GPR107: variants seen among roughly 807,000 people sequenced by gnomAD.
The protein encoded by GPR107 is G protein-coupled receptor 107, also known as protein GPR107.
Under a neutral mutation model 75.5 loss-of-function variants are expected in GPR107, and 31 were observed. That is an observed-to-expected ratio of 0.41 (90% CI 0.31 to 0.55). The LOEUF (loss-of-function observed/expected upper bound fraction) is 0.55. Ranked by LOEUF, GPR107 falls within the 20% of genes least tolerant of loss-of-function variation. The pLI is 0.26. For missense variants in GPR107, 572 were observed against 665.7 expected, an observed-to-expected ratio of 0.86 and a Z score of 1.55; for synonymous variants, 267 against 251.3, an observed-to-expected ratio of 1.06 and a Z score of -0.59.
intron 1 of GPR107, among the ~76,000 whole-genome samples, chr9:130,070,309 TATTA>T (rs1288493014): frequency 1.3e-5 from 2 of 151,996 alleles, no homozygotes; most frequent in African/African-American, 4.8e-5. Flanking sequence ...GCTATTTATT[TATTA>T]TTTATTTTGA....
intron 6 of GPR107, 89 bp downstream of exon 6, chr9:130,083,691 T>C (rs539145457): frequency 5.4e-5 from 38 of 701,812 alleles, no homozygotes; most frequent in Non-Finnish European, 8.0e-5. Context: ...TGTATTGATA[T>C]ATATACATAC....
chr9:130,085,382 A>G (rs930085279), intron 6 of GPR107, among the ~76,000 whole-genome samples: 2 of 152,308 alleles, frequency 1.3e-5, no homozygotes, highest in East Asian at 3.9e-4. Flanking sequence ...GGTTGGCGAT[A>G]TCTTGATTTC....
intron 14 of GPR107, among the ~76,000 whole-genome samples, chr9:130,113,279 C>G (rs968891751): frequency 8.3e-4 from 111 of 133,062 alleles, no homozygotes; most frequent in African/African-American, 3.1e-3. Context: ...TTGAGTCAGG[C>G]TGGAGTGCAA....
At chr9:130,070,453 G>C (rs745484403) in intron 1 of GPR107, among the ~76,000 whole-genome samples, 1 of 152,088 alleles carries the variant, frequency 6.6e-6, no homozygotes, top group Non-Finnish European at 1.5e-5. Flanking sequence ...ACAGGCATGT[G>C]TCACCATGCT....
At chr9:130,122,174 AGCC>A in intron 14 of GPR107, among the ~76,000 whole-genome samples, 1 of 152,318 alleles carries the variant, frequency 6.6e-6, no homozygotes, top group South Asian at 2.1e-4. Context: ...TACAGGCATG[AGCC>A]GCCGCGCCCA....
At chr9:130,111,969 G>A (rs1488126154) in intron 14 of GPR107, among the ~76,000 whole-genome samples, 1 of 152,060 alleles carries the variant, frequency 6.6e-6, no homozygotes, top group Non-Finnish European at 1.5e-5. Context: ...GACACACCTA[G>A]CGCTGGCTCC....
intron 7 of GPR107, among the ~76,000 whole-genome samples, chr9:130,089,128 C>T (rs1830676110): frequency 2.0e-5 from 3 of 152,026 alleles, no homozygotes; most frequent in Admixed American, 2.0e-4. Context: ...CGAGATCACG[C>T]CACTGCACTC....
chr9:130,054,213 C>A, intron 1 of GPR107, 140 bp downstream of exon 1: 2 of 863,072 alleles, frequency 2.3e-6, no homozygotes, highest in East Asian at 2.9e-5. Flanking sequence ...TGACAGGTGG[C>A]GGGGTCTGTG....
chr9:130,129,038 C>T (rs1656312718), intron 17 of GPR107: 1 of 319,524 alleles, frequency 3.1e-6, no homozygotes. Context: ...GTGGCAAGAA[C>T]TTAGGAATAT....
chr9:130,113,007 C>G (rs1392461494), intron 14 of GPR107, among the ~76,000 whole-genome samples: 2 of 152,118 alleles, frequency 1.3e-5, no homozygotes, highest in African/African-American at 4.8e-5. Context: ...ACCTAGGCCT[C>G]CCAGAGTACT....
chr9:130,107,543 A>G lies in GPR107; in HGVS notation c.1306+4A>G. ...GCATCAGCAACAGATGGAAAAGGCA[A>G]GTTCTCTCGTGCTCATTTTGTGTTG... On this transcript the variant is annotated splice_donor_region_variant and intron_variant, in intron 14 of 17. Coordinates refer to ENST00000347136, the MANE Select transcript of GPR107 (RefSeq NM_020960.5). 2 of 1,578,826 alleles carry G rather than the reference A, an allele frequency of 1.3e-6. No individual in the cohort carries two copies. Among genetic ancestry groups the G allele is most frequent in the Non-Finnish European group, 1.7e-6 (2 of 1,147,766 alleles).
intron 14 of GPR107, among the ~76,000 whole-genome samples, chr9:130,119,280 G>A (rs73670512): frequency 0.011 from 1,653 of 152,314 alleles, 31 homozygotes; most frequent in African/African-American, 0.038. Flanking sequence ...CAGGCGCCCT[G>A]GCAGCCCCCA....
chr9:130,066,711 C>A (rs1393376950), intron 1 of GPR107, among the ~76,000 whole-genome samples: 1 of 151,972 alleles, frequency 6.6e-6, no homozygotes, highest in Admixed American at 6.6e-5. Context: ...CTTGGCCGGG[C>A]GCGGTGGCTC....
At chr9:130,072,607 G>A (rs1387679060) in intron 1 of GPR107, among the ~76,000 whole-genome samples, 6 of 151,998 alleles carry the variant, frequency 3.9e-5, no homozygotes, top group African/African-American at 1.2e-4. Context: ...GTGCCCAGCC[G>A]ATGCTGTTTT....
At chr9:130,061,482 C>T (rs548755516) in intron 1 of GPR107, among the ~76,000 whole-genome samples, 2 of 152,208 alleles carry the variant, frequency 1.3e-5, no homozygotes, top group East Asian at 3.9e-4. Context: ...TATGGAGGCC[C>T]CTATGGCTGG....
chr9:130,077,376 T>C lies in GPR107; in HGVS notation c.384T>C (p.Ser128=). The C allele has an allele frequency of 6.9e-7, 1 of 1,447,824 alleles. No individual in the cohort carries two copies. The highest frequency in any genetic ancestry group is 9.7e-7 in the Non-Finnish European group (1 of 1,028,130). The allele number at this position is 1,447,824 out of a possible 1,614,324, so 89.7% of individuals were successfully genotyped here. The change falls in exon 4 of 18, where the codon AGT becomes AGC. Residue 128 remains serine, a splice_region_variant and synonymous_variant. Coordinates refer to ENST00000347136, the MANE Select transcript of GPR107 (RefSeq NM_020960.5). ...VTLLILDISR[S]EVRVKSPPEA... ...TTTTAATCCTAGACATCTCCAGAAG[T>C]GAGTAAGTAATTCTAAAGTTCCTTC...
chr9:130,112,400 T>TTGCC lies in GPR107; in HGVS notation c.1306+4864_1306+4867dup, dbSNP rs1254826878. 6.6e-6 allele frequency among the ~76,000 whole-genome samples: 1 copy of TTGCC among 152,168 alleles called. No homozygotes were observed. The highest frequency in any genetic ancestry group is 1.9e-4 in the East Asian group (1 of 5,206). ...TGTGAGTCTCTTGTGCTGTTGACAT[T>TTGCC]TGCCTGATGGTGAAAAGCAATGATG... On this transcript the variant is annotated intron_variant, in intron 14 of 17. Coordinates refer to ENST00000347136, the MANE Select transcript of GPR107 (RefSeq NM_020960.5). The surrounding 1 kb of genome is among the most constrained non-coding windows in gnomAD (Gnocchi z 4.0).
In GPR107 at chr9:130,140,155, T is replaced by A. The variant is rs1028582897; in HGVS notation, c.*5034T>A. ...TTGCAAATGTGTAAAATAAAGATTA[T>A]CTGGCAGAACCGTGTGTGTTTGAGA... On this transcript the variant is annotated 3_prime_UTR_variant, in exon 18 of 18. Coordinates refer to ENST00000347136, the MANE Select transcript of GPR107 (RefSeq NM_020960.5). The surrounding 1 kb of genome is among the most constrained non-coding windows in gnomAD (Gnocchi z 4.0). The A allele has an allele frequency of 2.6e-5, 4 of 152,212 alleles. No homozygotes were observed. Among genetic ancestry groups the A allele is most frequent in the Non-Finnish European group, 4.4e-5 (3 of 68,048 alleles). The allele number at this position is 152,212 out of a possible 1,614,324, so 9.4% of individuals were successfully genotyped here. A position where few individuals can be genotyped will look rare whatever the true frequency, so the allele number is the denominator to read the frequency against.
chr9:130,078,753 C>T (rs1189864421), intron 4 of GPR107, among the ~76,000 whole-genome samples: 1 of 152,212 alleles, frequency 6.6e-6, no homozygotes, highest in Non-Finnish European at 1.5e-5. Flanking sequence ...GGACAGAGAG[C>T]AGGCTCCTCC....
Sources: allele counts gnomAD v4.1 joint callset (sites outside exome capture counted in the v4.1 genomes callset), GRCh38; gene constraint gnomAD v4.1.1; non-coding constraint Gnocchi (gnomAD v3.1); transcripts MANE v1.5; gene names NCBI Gene and HGNC (gene_info 2026-07-23, HGNC 2026-07-21).